HMGB1: variants seen among roughly 807,000 people sequenced by gnomAD.
HMGB1 encodes high mobility group protein B1.
For missense variants in HMGB1, 79 were observed against 253.5 expected (o/e 0.31, Z 4.67); for synonymous variants, 81 against 84.0 (o/e 0.96, Z 0.19).
intron 1 of HMGB1, chr13:30,554,131 C>A: frequency 1.6e-6 from 2 of 1,250,894 alleles, no homozygotes; most frequent in Non-Finnish European, 2.4e-6. Flanking sequence ...AGTCATATTA[C>A]ACAGTACATC....
intron 1 of HMGB1, among the ~76,000 whole-genome samples, chr13:30,612,582 A>G (rs1445516744): frequency 3.3e-5 from 5 of 152,194 alleles, no homozygotes; most frequent in Non-Finnish European, 7.3e-5. Flanking sequence ...TTTTCTGTTG[A>G]CAATTATTTT....
chr13:30,567,755 T>G (rs2137531166), intron 1 of HMGB1, among the ~76,000 whole-genome samples: 1 of 152,314 alleles, frequency 6.6e-6, no homozygotes, highest in African/African-American at 2.4e-5. Context: ...TGATAGCTGC[T>G]GAAATCTTCT....
intron 1 of HMGB1, among the ~76,000 whole-genome samples, chr13:30,498,930 G>C (rs1314695739): frequency 6.8e-6 from 1 of 148,042 alleles, no homozygotes; most frequent in Admixed American, 6.9e-5. Context: ...TTACAAGTGT[G>C]AGCCACTGCG....
chr13:30,510,095 G>A (rs1002031595), intron 1 of HMGB1, among the ~76,000 whole-genome samples: 7 of 152,088 alleles, frequency 4.6e-5, no homozygotes, highest in Non-Finnish European at 8.8e-5. Flanking sequence ...CCTGCATCCC[G>A]TACTCTTCCT....
intron 1 of HMGB1, among the ~76,000 whole-genome samples, chr13:30,475,473 A>G (rs1887073302): frequency 6.6e-6 from 1 of 150,978 alleles, no homozygotes; most frequent in Admixed American, 6.6e-5. Context: ...TCAGCCTCCC[A>G]AAGTGCTGGG....
At chr13:30,504,912 C>T (rs940654438) in intron 1 of HMGB1, among the ~76,000 whole-genome samples, 1 of 151,972 alleles carries the variant, frequency 6.6e-6, no homozygotes, top group South Asian at 2.1e-4. Context: ...ACATGACTGG[C>T]AAAAATGAAG....
chr13:30,525,185 T>C (rs1331166021), intron 1 of HMGB1, among the ~76,000 whole-genome samples: 2 of 152,208 alleles, frequency 1.3e-5, no homozygotes, highest in African/African-American at 4.8e-5. Context: ...TGGATGATCA[T>C]TGAAAGCATC....
chr13:30,610,427 G>C (rs777009619), intron 1 of HMGB1, among the ~76,000 whole-genome samples: 1 of 152,220 alleles, frequency 6.6e-6, no homozygotes, highest in Non-Finnish European at 1.5e-5. Context: ...GCAGGGTTTA[G>C]ATGAGGTGGA....
intron 1 of HMGB1, among the ~76,000 whole-genome samples, chr13:30,519,762 TG>T (rs1888196249): frequency 6.6e-6 from 1 of 152,046 alleles, no homozygotes; most frequent in Non-Finnish European, 1.5e-5. Context: ...AAACAGTTCC[TG>T]CCACCCTCAA....
chr13:30,606,463 A>G (rs1366666691), intron 1 of HMGB1, among the ~76,000 whole-genome samples: 1 of 104,798 alleles, frequency 9.5e-6, no homozygotes. Context: ...ATCAATAACC[A>G]AACCAAACAT....
At chr13:30,523,175 G>A (rs1162900030) in intron 1 of HMGB1, among the ~76,000 whole-genome samples, 1 of 152,216 alleles carries the variant, frequency 6.6e-6, no homozygotes, top group Non-Finnish European at 1.5e-5. Context: ...GTAGACATCA[G>A]CCTTGGTTAC....
At chr13:30,526,338 C>T (rs903327315) in intron 1 of HMGB1, among the ~76,000 whole-genome samples, 46 of 151,762 alleles carry the variant, frequency 3.0e-4, no homozygotes, top group Non-Finnish European at 1.2e-4. Context: ...TTTATAGGCG[C>T]AAGCCACTAC....
intron 1 of HMGB1, among the ~76,000 whole-genome samples, chr13:30,492,913 C>A (rs1389353850): frequency 1.3e-5 from 2 of 150,084 alleles, no homozygotes; most frequent in Admixed American, 6.7e-5. Flanking sequence ...ATTGCTTGAA[C>A]CTGGGAGGGG....
rs947534541 is a variant in HMGB1, at chr13:30,480,647, G to A, written c.-14-16953C>T. Among the ~76,000 whole-genome samples, 4 of 152,124 alleles carry A rather than the reference G, an allele frequency of 2.6e-5. No individual in the cohort carries two copies. In the East Asian group the frequency reaches 7.7e-4, roughly 29 times the overall value. On this transcript the variant is annotated intron_variant, in intron 1 of 4. Coordinates refer to the HMGB1 transcript ENST00000405805. ...GTAGAACTCAGAGAAGGAGAGCCAG[G>A]CCTCAGTGAGGACCTGCTCCCTTCT...
intron 1 of HMGB1, among the ~76,000 whole-genome samples, chr13:30,524,337 T>TAAAAAAAAAAAA (rs756389867): frequency 2.1e-5 from 1 of 47,442 alleles, no homozygotes; most frequent in African/African-American, 5.5e-5. Flanking sequence ...TAAAGTATAT[T>TAAAAAAAAAAAA]AAAAAAAAAA....
At chr13:30,535,647 T>C (rs1211017249) in intron 1 of HMGB1, among the ~76,000 whole-genome samples, 4 of 152,218 alleles carry the variant, frequency 2.6e-5, no homozygotes, top group African/African-American at 9.6e-5. Context: ...CCCAGCACTT[T>C]GGGAAGCTGA....
chr13:30,541,196 GAAAAC>G (rs1566020108), intron 1 of HMGB1, among the ~76,000 whole-genome samples: 4 of 152,106 alleles, frequency 2.6e-5, no homozygotes, highest in African/African-American at 9.7e-5. Context: ...TAAGGGGCTG[GAAAAC>G]GAAACTCAGA....
At chr13:30,545,007 T>A (rs1183067134) in intron 1 of HMGB1, among the ~76,000 whole-genome samples, 1 of 152,222 alleles carries the variant, frequency 6.6e-6, no homozygotes, top group East Asian at 1.9e-4. Context: ...GATCTTGTTT[T>A]AGGTTGCAAT....
intron 1 of HMGB1, among the ~76,000 whole-genome samples, chr13:30,522,109 C>CT (rs35096026): frequency 0.015 from 1,891 of 130,108 alleles, 89 homozygotes; most frequent in African/African-American, 0.05. Context: ...AATTATGATA[C>CT]TTTTTTTTTT....
Sources: allele counts gnomAD v4.1 joint callset (sites outside exome capture counted in the v4.1 genomes callset), GRCh38; gene constraint gnomAD v4.1.1; transcripts MANE v1.5; gene names NCBI Gene and HGNC (gene_info 2026-07-23, HGNC 2026-07-21).